The following FRMD6 variants were observed in gnomAD, a reference collection of about 807,000 sequenced individuals.
The protein encoded by FRMD6 is FERM domain containing 6, also known as FERM domain-containing protein 6.
A neutral mutation model predicts 73.2 loss-of-function variants in FRMD6; 37 were observed. The observed-to-expected ratio is 0.51, with a 90% CI of 0.39 to 0.66. The LOEUF (loss-of-function observed/expected upper bound fraction) is 0.66. FRMD6 is among the 30% of genes least tolerant of loss of function. FRMD6 has a pLI of 0.00. For synonymous variants in FRMD6, 273 were observed against 282.2 expected (o/e 0.97, Z 0.33); for missense variants, 714 against 780.5 (o/e 0.91, Z 1.02).
chr14:51,722,069 A>G lies in FRMD6; in HGVS notation c.1481A>G (p.Asn494Ser). The G allele has an allele frequency of 5.0e-6, 8 of 1,614,146 alleles. No homozygotes were observed. The highest frequency in any genetic ancestry group is 1.1e-5 in the South Asian group (1 of 91,078). The change falls in exon 12 of 14, where the codon AAT (asparagine) becomes AGT (serine). Residue 494 changes from asparagine to serine, a missense_variant. Physicochemically the swap from Asn to Ser is conservative, Grantham distance 46. Coordinates refer to ENST00000344768, the MANE Select transcript of FRMD6 (RefSeq NM_001267046.2). The part of the protein sequence containing the change: ...TEDMLMSRKL[N>S]GHSGLIVKEI... ...GACATGCTCATGTCGCGGAAGCTGA[A>G]TGGACACTCTGGTGAGCTCTTACGG...
the FRMD6 span, among the ~76,000 whole-genome samples, chr14:51,472,752 G>A: frequency 6.6e-6 from 1 of 152,166 alleles, no homozygotes; most frequent in African/African-American, 2.4e-5. Flanking sequence ...GAGCAGCCCT[G>A]TTCCCCTCAC....
chr14:51,592,595 T>C (rs2139742251), intron 2 of FRMD6, among the ~76,000 whole-genome samples: 1 of 152,374 alleles, frequency 6.6e-6, no homozygotes, highest in East Asian at 1.9e-4. Flanking sequence ...AAATTACTTG[T>C]GTTCTACTCA....
At position 51,641,372 on chromosome 14, in the gene FRMD6, T is replaced by A. The variant is rs563069993; in HGVS notation, c.-146-48319T>A. Among the ~76,000 whole-genome samples the A allele has an allele frequency of 6.6e-5, 10 of 152,328 alleles. No individual in the cohort carries two copies. In the East Asian group the frequency reaches 1.9e-3, roughly 29 times the overall value. Reference sequence around the variant, plus strand: ...GCTTAGGTTTCCAACTTTTTTCTTTTGGGTCTTCACTATTGTTTAATTGGG... The same window carrying A: ...GCTTAGGTTTCCAACTTTTTTCTTTAGGGTCTTCACTATTGTTTAATTGGG... On this transcript the variant is annotated intron_variant, in intron 2 of 14. Transcript: ENST00000356218.
intron 8 of FRMD6, among the ~76,000 whole-genome samples, chr14:51,712,048 T>C (rs991526867): frequency 2.0e-5 from 3 of 152,188 alleles, no homozygotes; most frequent in Non-Finnish European, 4.4e-5. Context: ...GTAGAAACTG[T>C]CACCTTTTAG....
At chr14:51,689,008 A>G (rs1895365047) in intron 1 of FRMD6, among the ~76,000 whole-genome samples, 4 of 152,244 alleles carry the variant, frequency 2.6e-5, no homozygotes, top group African/African-American at 9.6e-5. Flanking sequence ...TTTGATATAT[A>G]CAGTCTTGTT....
the FRMD6 span, among the ~76,000 whole-genome samples, chr14:51,431,207 T>G: frequency 3.9e-5 from 6 of 152,188 alleles, no homozygotes; most frequent in Non-Finnish European, 7.3e-5. Context: ...TTATTAATGG[T>G]TAAGCCATTG....
chr14:51,704,202 C>T (rs766284330), intron 5 of FRMD6, among the ~76,000 whole-genome samples: 4 of 151,952 alleles, frequency 2.6e-5, no homozygotes, highest in African/African-American at 7.2e-5. Context: ...GTTTAAAAAA[C>T]GGAAAAGAAA....
intron 1 of FRMD6, among the ~76,000 whole-genome samples, chr14:51,659,186 C>T (rs992067417): frequency 3.3e-5 from 5 of 152,164 alleles, no homozygotes; most frequent in Non-Finnish European, 7.3e-5. Context: ...AGTTACTTAA[C>T]TCTCTACACC....
chr14:51,697,068 A>T (rs1379931735), intron 2 of FRMD6, among the ~76,000 whole-genome samples: 1 of 152,194 alleles, frequency 6.6e-6, no homozygotes, highest in Non-Finnish European at 1.5e-5. Flanking sequence ...GTTGCTGGGA[A>T]TGTAAATTAG....
chr14:51,560,056 G>T (rs1449845851), intron 1 of FRMD6, among the ~76,000 whole-genome samples: 3 of 145,938 alleles, frequency 2.1e-5, no homozygotes, highest in African/African-American at 7.4e-5. Flanking sequence ...TCTATCCTGG[G>T]ACTATACTTT....
intron 1 of FRMD6, among the ~76,000 whole-genome samples, chr14:51,536,277 A>C (rs565674276): frequency 1.3e-5 from 2 of 151,458 alleles, no homozygotes; most frequent in African/African-American, 4.8e-5. Context: ...AAAATTGTAG[A>C]CACAGGGTCT....
chr14:51,401,801 G>A, the FRMD6 span, among the ~76,000 whole-genome samples: 1 of 152,244 alleles, frequency 6.6e-6, no homozygotes, highest in African/African-American at 2.4e-5. Context: ...TATTTGGGAA[G>A]AACAGGGGGT....
chr14:51,618,255 A>ACC (rs923996823), intron 2 of FRMD6, among the ~76,000 whole-genome samples: 88 of 152,280 alleles, frequency 5.8e-4, no homozygotes, highest in African/African-American at 1.9e-3. Context: ...GGTCTAGGGC[A>ACC]GGGTTCAGAG....
intron 2 of FRMD6, among the ~76,000 whole-genome samples, chr14:51,690,674 G>A (rs935085662): frequency 3.3e-5 from 5 of 152,102 alleles, no homozygotes; most frequent in Non-Finnish European, 7.4e-5. Flanking sequence ...GAGCCACCGC[G>A]CCCAGCCTTA....
intron 3 of FRMD6, among the ~76,000 whole-genome samples, chr14:51,699,110 G>A (rs992314176): frequency 6.6e-6 from 1 of 152,092 alleles, no homozygotes; most frequent in Non-Finnish European, 1.5e-5. Flanking sequence ...AAGGATATCA[G>A]TATAAAGTTG....
At chr14:51,644,385 ACACT>A (rs1194658387) in intron 2 of FRMD6, among the ~76,000 whole-genome samples, 6 of 82,434 alleles carry the variant, frequency 7.3e-5, no homozygotes, top group East Asian at 5.6e-4. Flanking sequence ...ACACACACAC[ACACT>A]CACTCACTCT....
chr14:51,526,568 A>T (rs1157824227), intron 1 of FRMD6, among the ~76,000 whole-genome samples: 1 of 152,136 alleles, frequency 6.6e-6, no homozygotes, highest in Non-Finnish European at 1.5e-5. Context: ...CACTTTTCCT[A>T]GTCCCCTAAT....
At chr14:51,427,585 A>AT in the FRMD6 span, among the ~76,000 whole-genome samples, 1 of 152,228 alleles carries the variant, frequency 6.6e-6, no homozygotes, top group South Asian at 2.1e-4. Context: ...AAGAAAACAA[A>AT]TTTGTCATGG....
the FRMD6 span, among the ~76,000 whole-genome samples, chr14:51,418,039 G>C: frequency 1.3e-5 from 2 of 152,100 alleles, no homozygotes; most frequent in African/African-American, 4.8e-5. Flanking sequence ...GTTTATTCTA[G>C]TTAGCCATTC....
Sources: gnomAD v4.1 joint callset for allele counts (sites outside exome capture counted in the v4.1 genomes callset) on GRCh38, gnomAD v4.1.1 for gene constraint, MANE v1.5 for transcripts, NCBI Gene and HGNC (gene_info 2026-07-23, HGNC 2026-07-21) for gene names.